The following KRT84 variants were observed in gnomAD, a reference collection of about 807,000 sequenced individuals.
KRT84 encodes the protein keratin 84, also known as keratin, type II cuticular Hb4.
Under a neutral mutation model 49.0 loss-of-function variants are expected in KRT84, and 38 were observed. That is an observed-to-expected ratio of 0.78 (90% CI 0.60 to 1.02). KRT84 has a LOEUF of 1.02. Among genes scored for constraint, KRT84 ranks in the 50% least tolerant of loss-of-function variants. The pLI, the probability that KRT84 is intolerant of heterozygous loss-of-function variation, is 0.00. For synonymous variants in KRT84, 334 were observed against 312.8 expected (o/e 1.07, Z -0.72); for missense variants, 860 against 788.6 (o/e 1.09, Z -1.08).
In KRT84 at chr12:52,378,258, G is replaced by A; in HGVS notation, c.1579C>T (p.Leu527=). The change falls in exon 9 of 9, where the codon CTG becomes TTG. Residue 527 remains leucine, a synonymous_variant. Coordinates refer to ENST00000257951, the MANE Select transcript of KRT84 (RefSeq NM_033045.4). The stretch of plus-strand genomic sequence containing the variant: ...CCCAGGCTGGGGCCACAGGAAGCCA[G>A]GACCCCACTGGTGGCACAGACGCTG... The part of the protein sequence containing the change: ...SSSVCATSGV[L]ASCGPSLGGA... The A allele has an allele frequency of 6.4e-7, 1 of 1,556,906 alleles. No homozygotes were observed. The highest frequency in any genetic ancestry group is 1.2e-5 in the South Asian group (1 of 84,602).
At position 52,380,561 on chromosome 12, in the gene KRT84, A is replaced by G; in HGVS notation, c.1226T>C (p.Val409Ala). The G allele has an allele frequency of 6.8e-6, 11 of 1,612,830 alleles. No individual in the cohort carries two copies. The highest frequency in any genetic ancestry group is 1.6e-4 in the Middle Eastern group (1 of 6,062). ...CTCGCCCTGCTGCTCGGCCTCGGCC[A>G]CTGCAGCCTCCAACTTGGCACGCTG... ...KAQRAKLEAAVAEAEQQGEAT... is the reference protein window; with the variant it reads ...KAQRAKLEAAAAEAEQQGEAT... Residue 409 changes from valine to alanine, a missense_variant, in exon 7 of 9, where the codon GTG (valine) becomes GCG (alanine). Transcript: ENST00000257951.
intron 8 of KRT84, among the ~76,000 whole-genome samples, chr12:52,379,521 G>A (rs1367094775): frequency 1.3e-5 from 2 of 152,218 alleles, no homozygotes; most frequent in East Asian, 3.8e-4. Context: ...GCCATCAGGG[G>A]ATGAGAGGCT....
rs183809308 is a variant in KRT84, at chr12:52,379,031, C to T, written c.1457-651G>A. Among the ~76,000 whole-genome samples the T allele has an allele frequency of 1.8e-4, 28 of 152,302 alleles. 1 individual carries two copies. In the East Asian group the frequency reaches 5.4e-3, roughly 29 times the overall value. On this transcript the variant is annotated intron_variant, in intron 8 of 8. Transcript: ENST00000257951. The stretch of plus-strand genomic sequence containing the variant: ...CTTCCTGCCATCCATGATGTTCACT[C>T]AAGCTTGACCTCCTGCAGAAAGCCA...
chr12:52,381,225 T>C lies in KRT84; in HGVS notation c.1078-20A>G, dbSNP rs747701291. 1 of 1,613,784 alleles carries C rather than the reference T, an allele frequency of 6.2e-7. No homozygotes were observed. Among genetic ancestry groups the C allele is most frequent in the East Asian group, 2.2e-5 (1 of 44,860 alleles). On this transcript the variant is annotated intron_variant, in intron 5 of 8. Transcript: ENST00000257951. ...TTCATACTGCGGAGAGAGGAGGGTA[T>C]TTTGAGGGTTCGGAGGTCAGGTCAG...
In KRT84 at chr12:52,381,072, T is replaced by C. The variant is rs1028142418; in HGVS notation, c.1203+8A>G. 1 of 1,613,488 alleles carries C rather than the reference T, an allele frequency of 6.2e-7. No individual in the cohort carries two copies. Among genetic ancestry groups the C allele is most frequent in the African/African-American group, 1.3e-5 (1 of 74,892 alleles). On this transcript the variant is annotated splice_region_variant and intron_variant, in intron 6 of 8. Coordinates refer to ENST00000257951, the MANE Select transcript of KRT84 (RefSeq NM_033045.4). ...CATCTGAGGCTTTCCCTCCTTTCCT[T>C]TGCCCACCTGAGCCTTGGCGTGCTC...
chr12:52,379,809 G>A (rs1352873178), intron 8 of KRT84, 67 bp downstream of exon 8: 1 of 1,364,706 alleles, frequency 7.3e-7, no homozygotes, highest in Non-Finnish European at 1.0e-6. Flanking sequence ...ACCCCAGTGT[G>A]AGCCTGAGTT....
rs1208854311 is a variant in KRT84 at position 52,378,262 on chromosome 12, C to T, written c.1575G>A (p.Gly525=). The T allele has an allele frequency of 6.4e-7, 1 of 1,556,010 alleles. No homozygotes were observed. Among genetic ancestry groups the T allele is most frequent in the Non-Finnish European group, 8.7e-7 (1 of 1,151,738 alleles). The change falls in exon 9 of 9, where the codon GGG becomes GGA. Residue 525 remains glycine (G), a synonymous_variant. Transcript: ENST00000257951. ...GGCTGGGGCCACAGGAAGCCAGGAC[C>T]CCACTGGTGGCACAGACGCTGCTGC... ...SGSSSVCATS[G]VLASCGPSLG... is the part of the protein sequence containing the mutation.
chr12:52,380,280 T>C (rs1032582338), intron 7 of KRT84, 83 bp downstream of exon 7: 47 of 1,504,436 alleles, frequency 3.1e-5, no homozygotes, highest in Non-Finnish European at 3.9e-5. Flanking sequence ...ATTTCTGCAG[T>C]TCTTCACTGT....
intron 3 of KRT84, among the ~76,000 whole-genome samples, 168 bp downstream of exon 3, chr12:52,382,837 C>T (rs1425366383): frequency 6.6e-6 from 1 of 152,200 alleles, no homozygotes; most frequent in African/African-American, 2.4e-5. Context: ...GAGGCTGAAC[C>T]TGAACTTTGT....
chr12:52,383,652 A>T lies in KRT84; in HGVS notation c.693T>A (p.Asp231Glu), dbSNP rs1338019875. The change falls in exon 2 of 9, where the codon GAT becomes GAA. Residue 231 changes from aspartate (D) to glutamate (E), a missense_variant. Physicochemically the swap from Asp to Glu is conservative, Grantham distance 45. Transcript: ENST00000257951. ...TCCTCTCAGCCTGGAGCCGGGCCTG[A>T]TCACTGACCAGCACCTCCAACTGCC... ...LRRQLEVLVS[D>E]QARLQAERNH... 3.1e-6 allele frequency: 5 copies of T among 1,614,090 alleles called. No individual in the cohort carries two copies. The highest frequency in any genetic ancestry group is 3.4e-6 in the Non-Finnish European group (4 of 1,180,030).
At position 52,383,763 on chromosome 12, in the gene KRT84, C is replaced by A. The variant is rs781023958; in HGVS notation, c.582G>T (p.Glu194Asp). 41 of 1,613,564 alleles carry A rather than the reference C, an allele frequency of 2.5e-5. No individual in the cohort carries two copies. The Admixed American group carries it at 6.7e-4, about 26-fold the overall frequency. ...RFLEQQNKLL[E>D]TKWSFLQEQK... ...GCTCTTGGAGGAAGCTCCACTTGGT[C>A]TCTAGGAGCTTATTCTGCTGCTCTA... The change falls in exon 2 of 9, where the codon GAG (glutamate) becomes GAT (aspartate). Residue 194 changes from glutamate (E) to aspartate (D), a missense_variant. Physicochemically the swap from Glu to Asp is conservative, Grantham distance 45. Coordinates refer to ENST00000257951, the MANE Select transcript of KRT84 (RefSeq NM_033045.4).
In KRT84 at chr12:52,380,530, G is replaced by GGTC. The variant is rs1428009645; in HGVS notation, c.1254_1256dup (p.Thr419dup). 6.2e-7 allele frequency: 1 copy of GGTC among 1,613,980 alleles called. No homozygotes were observed. The highest frequency in any genetic ancestry group is 8.5e-7 in the Non-Finnish European group (1 of 1,179,904). ...CCAGCTTGCATTTGGCATCACTGAG[G>GGTC]GTCGCCTCGCCCTGCTGCTCGGCCT... On this transcript the variant is annotated inframe_insertion, in exon 7 of 9. Transcript: ENST00000257951.
chr12:52,384,973 G>T (rs1340853510), intron 1 of KRT84, 67 bp downstream of exon 1: 3 of 1,483,014 alleles, frequency 2.0e-6, no homozygotes, highest in Non-Finnish European at 2.7e-6. Flanking sequence ...CTTTTTAAGG[G>T]AAAGAGCACT....
In KRT84 at chr12:52,378,325, G is replaced by A; in HGVS notation, c.1512C>T (p.Gly504=). The A allele has an allele frequency of 6.5e-7, 1 of 1,529,262 alleles. No homozygotes were observed. Among genetic ancestry groups the A allele is most frequent in the Non-Finnish European group, 8.8e-7 (1 of 1,141,434 alleles). 94.7% of individuals were successfully genotyped at this position (1,529,262 alleles called of 1,614,324 possible). A position where few individuals can be genotyped will look rare whatever the true frequency, so the allele number is the denominator to read the frequency against. Residue 504 remains glycine (G), a synonymous_variant, in exon 9 of 9, where the codon GGC becomes GGT. Transcript: ENST00000257951. ...LVCGPEPLVA[G]STLSRGGVTF... ...TGACCCCGCCGCGGGAGAGGGTGGA[G>A]CCGGCAACCAAAGGCTCAGGCCCGC...
At chr12:52,381,244 A>G in intron 5 of KRT84, 39 bp from the exon 6 acceptor site, 1 of 1,612,524 alleles carries the variant, frequency 6.2e-7, no homozygotes, top group Non-Finnish European at 8.5e-7. Flanking sequence ...TTCGGAGGTC[A>G]GGTCAGGATC....
rs1939562924 is a variant in KRT84 at position 52,385,594 on chromosome 12, C to T, written c.-9G>A. The T allele has an allele frequency of 6.2e-7, 1 of 1,610,106 alleles. No individual in the cohort carries two copies. Among genetic ancestry groups the T allele is most frequent in the Non-Finnish European group, 8.5e-7 (1 of 1,177,690 alleles). ...TAGGAGCGGCAAGACATGATGGCTT[C>T]CTGGTTGGGAGCAAAAGAGCAAGTG... is the stretch of plus-strand genomic sequence containing the variant. On this transcript the variant is annotated 5_prime_UTR_variant, in exon 1 of 9. Coordinates refer to ENST00000257951, the MANE Select transcript of KRT84 (RefSeq NM_033045.4).
At chr12:52,381,293 G>T in intron 5 of KRT84, 68 bp downstream of exon 5, 3 of 1,610,662 alleles carry the variant, frequency 1.9e-6, no homozygotes, top group Non-Finnish European at 2.5e-6. Flanking sequence ...ACCTCCCTGG[G>T]CCTGATCTGT....
At chr12:52,380,260 A>C in intron 7 of KRT84, 103 bp downstream of exon 7, 1 of 1,367,328 alleles carries the variant, frequency 7.3e-7, no homozygotes, top group Non-Finnish European at 1.0e-6. Context: ...GTCATCTTTA[A>C]AGACTATGTA....
Position 52,380,509 on chromosome 12 carries a change from C to T in KRT84, c.1278G>A (p.Lys426=), listed in dbSNP as rs1187482175. The change falls in exon 7 of 9, where the codon AAG becomes AAA. Residue 426 remains lysine, a synonymous_variant. Coordinates refer to ENST00000257951, the MANE Select transcript of KRT84 (RefSeq NM_033045.4). ...GCAGGGCACACTCCAGATCTGCCAG[C>T]TTGCATTTGGCATCACTGAGGGTCG... is the stretch of plus-strand genomic sequence containing the variant. ...GEATLSDAKC[K]LADLECALQQ... 1.2e-6 allele frequency: 2 copies of T among 1,614,094 alleles called. No individual in the cohort carries two copies. Among genetic ancestry groups the T allele is most frequent in the Middle Eastern group, 1.6e-4 (1 of 6,062 alleles).
Sources: gnomAD v4.1 joint callset for allele counts (sites outside exome capture counted in the v4.1 genomes callset) on GRCh38, gnomAD v4.1.1 for gene constraint, MANE v1.5 for transcripts, NCBI Gene and HGNC (gene_info 2026-07-23, HGNC 2026-07-21) for gene names.